COL4A5: variants seen among roughly 807,000 people sequenced by gnomAD.
The protein encoded by COL4A5 is collagen alpha-5(IV) chain.
Under a neutral mutation model 130.2 loss-of-function variants are expected in COL4A5, and 26 were observed. The ratio of observed to expected loss-of-function variants is 0.20; its 90% confidence interval spans 0.15 to 0.28. The LOEUF (loss-of-function observed/expected upper bound fraction) is 0.28. Ranked by LOEUF, COL4A5 falls within the 10% of genes least tolerant of loss-of-function variation. The pLI is 1.00. For synonymous variants in COL4A5, 496 were observed against 439.6 expected (o/e 1.13, Z -1.60); for missense variants, 1,131 against 1,344.3 (o/e 0.84, Z 2.48).
At chrX:108,601,513 C>T (rs1411375262) in intron 26 of COL4A5, 28 bp downstream of exon 26, 2 of 811,985 alleles carry the variant, frequency 2.5e-6, no homozygotes, top group South Asian at 4.3e-5. Flanking sequence ...TTCAAAGTAA[C>T]TTCAACACCG....
At chrX:108,524,874 C>T (rs2065298114) in intron 1 of COL4A5, among the ~76,000 whole-genome samples, 1 of 111,690 alleles carries the variant, frequency 9.0e-6, no homozygotes, top group African/African-American at 3.2e-5. Flanking sequence ...AATTGCAATA[C>T]TTTTAAGTTT....
chrX:108,608,406 T>A (rs2147836565), intron 29 of COL4A5, among the ~76,000 whole-genome samples: 1 of 111,568 alleles, frequency 9.0e-6, no homozygotes, highest in East Asian at 2.8e-4. Flanking sequence ...TTTTTAAAAT[T>A]TTAAATATAA....
rs764172210 is a variant in COL4A5, at chrX:108,559,135, G to A, written c.213G>A (p.Pro71=). 25 of 1,205,488 alleles carry A rather than the reference G, an allele frequency of 2.1e-5. No individual in the cohort carries two copies. In the South Asian group the frequency reaches 3.7e-4, roughly 18 times the overall value. Residue 71 remains proline (P), a synonymous_variant, in exon 3 of 53, where the codon CCG becomes CCA. Coordinates refer to ENST00000328300, the MANE Select transcript of COL4A5 (RefSeq NM_033380.3). ...GATTTCCAGGTCCAGAAGGGCCTCCGGGGCCTCGGGGACAAAAGGTATGTA... is the reference window on the plus strand; with the variant it reads ...GATTTCCAGGTCCAGAAGGGCCTCCAGGGCCTCGGGGACAAAAGGTATGTA... The part of the protein sequence containing the change: ...LPGFPGPEGP[P]GPRGQKGDDG...
chrX:108,615,448 GTATT>G (rs769306929), intron 30 of COL4A5, among the ~76,000 whole-genome samples: 1 of 111,134 alleles, frequency 9.0e-6, no homozygotes, highest in South Asian at 3.8e-4. Context: ...CTGTAAAAGT[GTATT>G]TTAGGCATTC....
intron 1 of COL4A5, among the ~76,000 whole-genome samples, chrX:108,449,163 C>G (rs1390666966): frequency 1.8e-5 from 2 of 111,754 alleles, no homozygotes; most frequent in Non-Finnish European, 3.8e-5. Flanking sequence ...ACACAACCAC[C>G]TCTCCCTGCC....
chrX:108,632,364 G>C (rs910674658), intron 36 of COL4A5, among the ~76,000 whole-genome samples: 5 of 110,499 alleles, frequency 4.5e-5, no homozygotes, highest in African/African-American at 1.6e-4. Flanking sequence ...AAGAAGTCCA[G>C]GACCAGATGG....
chrX:108,591,707 C>A, intron 21 of COL4A5, 63 bp downstream of exon 21: 2 of 901,602 alleles, frequency 2.2e-6, no homozygotes, highest in Non-Finnish European at 3.3e-6. Flanking sequence ...TCAGCAAAAT[C>A]CCCTGTATCC....
chrX:108,692,693 A>G (rs2068655044), intron 49 of COL4A5, 55 bp from the exon 50 acceptor site: 1 of 1,144,700 alleles, frequency 8.7e-7, no homozygotes, highest in African/African-American at 1.8e-5. Context: ...TTTAGAAGAA[A>G]CCAAAGTATC....
intron 47 of COL4A5, 46 bp from the exon 48 acceptor site, chrX:108,685,985 T>C (rs1248379399): frequency 9.5e-7 from 1 of 1,052,502 alleles, no homozygotes; most frequent in Admixed American, 2.2e-5. Context: ...TGTCCAGATG[T>C]GAAAATATTC....
At chrX:108,595,228 A>G (rs1338742167) in intron 21 of COL4A5, among the ~76,000 whole-genome samples, 1 of 111,802 alleles carries the variant, frequency 8.9e-6, no homozygotes, top group Non-Finnish European at 1.9e-5. Flanking sequence ...TTTATTGATT[A>G]TTATCCCTTT....
chrX:108,443,445 A>G (rs1052537953), intron 1 of COL4A5, among the ~76,000 whole-genome samples: 6 of 112,098 alleles, frequency 5.4e-5, no homozygotes, highest in African/African-American at 1.3e-4. Context: ...GAGCATGTCT[A>G]TTGTGAAACA....
At chrX:108,581,427 C>G (rs2066247020) in intron 16 of COL4A5, among the ~76,000 whole-genome samples, 1 of 111,708 alleles carries the variant, frequency 9.0e-6, no homozygotes, top group Non-Finnish European at 1.9e-5. Flanking sequence ...GTAAAAGGAA[C>G]TATTTTTAGT....
At chrX:108,663,435 A>C (rs1050890496) in intron 37 of COL4A5, among the ~76,000 whole-genome samples, 3 of 112,031 alleles carry the variant, frequency 2.7e-5, no homozygotes, top group African/African-American at 9.7e-5. Context: ...TGGAAGATCA[A>C]AATTGTTTGG....
At chrX:108,579,064 T>TA (rs2066202643) in intron 13 of COL4A5, among the ~76,000 whole-genome samples, 2 of 111,705 alleles carry the variant, frequency 1.8e-5, no homozygotes, top group South Asian at 7.4e-4. Flanking sequence ...ATTCAATTTT[T>TA]TTTTTAGTGC....
intron 1 of COL4A5, among the ~76,000 whole-genome samples, chrX:108,465,702 C>T (rs1403824925): frequency 9.0e-6 from 1 of 111,679 alleles, no homozygotes; most frequent in African/African-American, 3.3e-5. Flanking sequence ...ATTTTGCCTG[C>T]TTTCTTCTAG....
At chrX:108,684,673 T>G (rs138018469) in intron 47 of COL4A5, among the ~76,000 whole-genome samples, 2,483 of 112,408 alleles carry the variant, frequency 0.022, 63 homozygotes, top group Admixed American at 0.11. Flanking sequence ...CTGCCAGAGG[T>G]ACAAAGTAGA....
chrX:108,638,997 G>A (rs1372073833), intron 36 of COL4A5, among the ~76,000 whole-genome samples: 1 of 110,938 alleles, frequency 9.0e-6, no homozygotes, highest in Non-Finnish European at 1.9e-5. Context: ...CAGATTCAAT[G>A]CAACGCCTAT....
At position 108,597,399 on chromosome X, in the gene COL4A5, C is replaced by A; in HGVS notation, c.1610C>A (p.Ala537Asp). 8.3e-7 allele frequency: 1 copy of A among 1,209,867 alleles called. No individual in the cohort carries two copies. Among genetic ancestry groups the A allele is most frequent in the Non-Finnish European group, 1.1e-6 (1 of 894,394 alleles). ...GLPGIPGAPG[A>D]PGFPGSKGEP... ...CAGGGCATTCCAGGAGCTCCAGGTG[C>A]TCCAGGCTTTCCTGGATCTAAAGGT... Residue 537 changes from alanine to aspartate, a missense_variant, in exon 24 of 53, where the codon GCT (alanine) becomes GAT (aspartate). Transcript: ENST00000328300.
chrX:108,566,494 T>G (rs1246077997), intron 4 of COL4A5, among the ~76,000 whole-genome samples: 1 of 111,408 alleles, frequency 9.0e-6, no homozygotes, highest in African/African-American at 3.3e-5. Context: ...CCAGGTTCTT[T>G]TTAGTGAAAA....
Sources: allele counts gnomAD v4.1 joint callset (sites outside exome capture counted in the v4.1 genomes callset), GRCh38; gene constraint gnomAD v4.1.1; transcripts MANE v1.5; gene names NCBI Gene and HGNC (gene_info 2026-07-23, HGNC 2026-07-21).